CYLC1: variants seen among roughly 807,000 people sequenced by gnomAD.
CYLC1 encodes cylicin-1.
In CYLC1, 2 loss-of-function variants were observed where a neutral mutation model predicts 31.6. The observed-to-expected ratio is 0.06, with a 90% CI of 0.03 to 0.20. The LOEUF is 0.20. Ranked by LOEUF, CYLC1 falls within the 10% of genes least tolerant of loss-of-function variation. The pLI, the probability that CYLC1 is intolerant of heterozygous loss-of-function variation, is 1.00. For missense variants in CYLC1, 595 were observed against 424.1 expected (o/e 1.40, Z -3.54); for synonymous variants, 185 against 153.0 (o/e 1.21, Z -1.54).
intron 4 of CYLC1, among the ~76,000 whole-genome samples, chrX:83,877,870 GT>G (rs1488133827): frequency 1.4e-5 from 1 of 69,896 alleles, no homozygotes; most frequent in Admixed American, 2.4e-4. Context: ...AATCTAGCCT[GT>G]TTTTTCATAT....
At chrX:83,885,203 A>G (rs2031965036) in intron 4 of CYLC1, among the ~76,000 whole-genome samples, 1 of 110,948 alleles carries the variant, frequency 9.0e-6, no homozygotes, top group East Asian at 2.8e-4. Context: ...CATATATTTA[A>G]GGATAAAACA....
intron 3 of CYLC1, 85 bp downstream of exon 3, chrX:83,871,655 A>C: frequency 8.0e-6 from 7 of 871,082 alleles, no homozygotes; most frequent in Non-Finnish European, 1.1e-5. Context: ...TATAACTTGA[A>C]TTTTACTACC....
At chrX:83,869,981 C>T (rs949241825) in intron 2 of CYLC1, 76 bp downstream of exon 2, 2 of 556,930 alleles carry the variant, frequency 3.6e-6, no homozygotes, top group African/African-American at 4.9e-5. Context: ...AAGTATATTC[C>T]ATTAAATGTG....
chrX:83,874,735 A>C (rs770217678), intron 4 of CYLC1, 104 bp downstream of exon 4: 14 of 888,267 alleles, frequency 1.6e-5, no homozygotes, highest in Non-Finnish European at 6.0e-6. Context: ...ATCTTTTACT[A>C]GAATATTGAC....
chrX:83,871,520 A>C lies in CYLC1; in HGVS notation c.127A>C (p.Arg43=), dbSNP rs1374588603. The change falls in exon 3 of 5, where the codon AGA becomes CGA. Residue 43 remains arginine (R), a synonymous_variant. Transcript: ENST00000329312. ...FALTFPKPLQ[R]GTNDKSRPLK... is the part of the protein sequence containing the mutation. ...TTTGACATTTCCCAAACCACTCCAG[A>C]GAGGTACAAATGATAAATCAAGACC... 3 of 1,202,157 alleles carry C rather than the reference A, an allele frequency of 2.5e-6. No homozygotes were observed. The highest frequency in any genetic ancestry group is 3.4e-6 in the Non-Finnish European group (3 of 891,209).
chrX:83,885,546 G>T (rs1168992848), intron 4 of CYLC1, among the ~76,000 whole-genome samples: 3 of 108,471 alleles, frequency 2.8e-5, no homozygotes, highest in African/African-American at 1.0e-4. Flanking sequence ...GTATATATAA[G>T]ATATATCTTA....
At chrX:83,864,221 A>T (rs774664792) in intron 1 of CYLC1, among the ~76,000 whole-genome samples, 51 of 112,031 alleles carry the variant, frequency 4.6e-4, no homozygotes, top group African/African-American at 1.7e-3. Context: ...CAAGTACCAG[A>T]TGTTAGAACT....
chrX:83,871,382 T>C, intron 2 of CYLC1, 70 bp from the exon 3 acceptor site: 1 of 748,856 alleles, frequency 1.3e-6, no homozygotes, highest in Non-Finnish European at 2.0e-6. Context: ...TGTTTCTTAC[T>C]CAAGAATAAT....
In CYLC1 at chrX:83,874,403, T is replaced by A. The variant is rs1450834719; in HGVS notation, c.1695T>A (p.Ser565=). The change falls in exon 4 of 5, where the codon TCT becomes TCA. Residue 565 remains serine, a synonymous_variant. Transcript: ENST00000329312. ...AAATTGATGAATCAGATGGCACATCTGCAAATTCAAAGATGGAAGGACTGG... is the reference window on the plus strand; with the variant it reads ...AAATTGATGAATCAGATGGCACATCAGCAAATTCAAAGATGGAAGGACTGG... ...KKKIDESDGT[S]ANSKMEGLES... is the part of the protein sequence containing the mutation. The A allele has an allele frequency of 4.1e-6, 5 of 1,208,086 alleles. No individual in the cohort carries two copies. The highest frequency in any genetic ancestry group is 5.6e-6 in the Non-Finnish European group (5 of 894,352).
At chrX:83,884,132 G>GA (rs1162986423) in intron 4 of CYLC1, among the ~76,000 whole-genome samples, 1 of 111,699 alleles carries the variant, frequency 9.0e-6, no homozygotes, top group Non-Finnish European at 1.9e-5. Flanking sequence ...GATGGTGGGA[G>GA]AAAGAGTTGG....
At chrX:83,869,050 T>G (rs2147778217) in intron 1 of CYLC1, among the ~76,000 whole-genome samples, 1 of 110,922 alleles carries the variant, frequency 9.0e-6, no homozygotes, top group East Asian at 2.8e-4. Flanking sequence ...TTTTTAAAAT[T>G]TTATCTTAAA....
rs748865511 is a variant in CYLC1, at chrX:83,873,174, A to G, written c.466A>G (p.Asn156Asp). The change falls in exon 4 of 5, where the codon AAT (asparagine) becomes GAT (aspartate). Residue 156 changes from asparagine to aspartate, a missense_variant. Physicochemically the swap from Asn to Asp is conservative, Grantham distance 23 (BLOSUM62 1). Coordinates refer to ENST00000329312, the MANE Select transcript of CYLC1 (RefSeq NM_021118.3). Reference sequence around the variant, plus strand: ...AGTAGAAGAGAAAACTAAAAGACAAAATGAGGCAGATAAAACTCCCTTAAA... The same window carrying G: ...AGTAGAAGAGAAAACTAAAAGACAAGATGAGGCAGATAAAACTCCCTTAAA... ...QIVEEKTKRQ[N>D]EADKTPLKSS... 9 of 1,205,944 alleles carry G rather than the reference A, an allele frequency of 7.5e-6. No individual in the cohort carries two copies. The East Asian group carries it at 2.7e-4, about 36-fold the overall frequency.
rs971331373 is a variant in CYLC1 at position 83,873,538 on chromosome X, C to A, written c.830C>A (p.Ser277Tyr). Residue 277 changes from serine (S) to tyrosine (Y), a missense_variant, in exon 4 of 5, where the codon TCT (serine) becomes TAT (tyrosine). Transcript: ENST00000329312. ...NYSQNNSKNY[S>Y]LKYTKYTKKD... Reference sequence around the variant, plus strand: ...TCACAGAATAATTCAAAGAATTATTCTTTGAAGTATACAAAGTATACAAAG... The same window carrying A: ...TCACAGAATAATTCAAAGAATTATTATTTGAAGTATACAAAGTATACAAAG... The A allele has an allele frequency of 1.7e-6, 2 of 1,195,813 alleles. No individual in the cohort carries two copies. Among genetic ancestry groups the A allele is most frequent in the African/African-American group, 1.8e-5 (1 of 56,277 alleles).
intron 1 of CYLC1, among the ~76,000 whole-genome samples, chrX:83,865,440 A>G: frequency 8.9e-6 from 1 of 111,769 alleles, no homozygotes; most frequent in African/African-American, 3.2e-5. Context: ...TTGATCTCTT[A>G]TTTAGATTAT....
intron 4 of CYLC1, among the ~76,000 whole-genome samples, chrX:83,880,385 G>T (rs201135696): frequency 1.8e-5 from 2 of 111,301 alleles, no homozygotes; most frequent in East Asian, 2.8e-4. Context: ...GACAATCAAG[G>T]TTTTATTGCA....
rs761456863 is a variant in CYLC1, at chrX:83,874,074, A to C, written c.1366A>C (p.Lys456Gln). The change falls in exon 4 of 5, where the codon AAG (lysine) becomes CAG (glutamine). Residue 456 changes from lysine (K) to glutamine (Q), a missense_variant. Coordinates refer to ENST00000329312, the MANE Select transcript of CYLC1 (RefSeq NM_021118.3). ...ADSEPKGDSK[K>Q]GKKDEKKGKK... ...CTCTGAACCGAAGGGAGATTCAAAAAAGGGTAAAAAGGATGAAAAGAAGGG... is the reference window on the plus strand; with the variant it reads ...CTCTGAACCGAAGGGAGATTCAAAACAGGGTAAAAAGGATGAAAAGAAGGG... The C allele has an allele frequency of 4.2e-6, 5 of 1,204,135 alleles. No homozygotes were observed. The highest frequency in any genetic ancestry group is 3.6e-5 in the South Asian group (2 of 55,739).
intron 4 of CYLC1, among the ~76,000 whole-genome samples, chrX:83,879,742 T>TACAC (rs71891176): frequency 3.7e-5 from 4 of 107,954 alleles, no homozygotes; most frequent in Admixed American, 2.0e-4. Context: ...CACAGACACA[T>TACAC]ACACACACAC....
At chrX:83,884,843 C>G (rs1408176818) in intron 4 of CYLC1, among the ~76,000 whole-genome samples, 1 of 110,837 alleles carries the variant, frequency 9.0e-6, no homozygotes, top group Non-Finnish European at 1.9e-5. Flanking sequence ...TTGGTGTCTT[C>G]TCATTGACCT....
intron 4 of CYLC1, among the ~76,000 whole-genome samples, chrX:83,878,139 A>T (rs868724382): frequency 2.5e-5 from 1 of 40,199 alleles, no homozygotes; most frequent in Non-Finnish European, 4.2e-5. Flanking sequence ...TATATATAAA[A>T]ATATATATTT....
Sources: gnomAD v4.1 joint callset for allele counts (sites outside exome capture counted in the v4.1 genomes callset) on GRCh38, gnomAD v4.1.1 for gene constraint, MANE v1.5 for transcripts, NCBI Gene and HGNC (gene_info 2026-07-23, HGNC 2026-07-21) for gene names.